The following ESR2 variants were observed in gnomAD, a reference collection of about 807,000 sequenced individuals.
The protein encoded by ESR2 is estrogen receptor beta.
ESR2 carries 36 observed loss-of-function variants against 49.6 expected under a neutral mutation model. The observed-to-expected ratio is 0.73, with a 90% CI of 0.56 to 0.96. The LOEUF (loss-of-function observed/expected upper bound fraction) is 0.96, where lower values mean the gene tolerates loss of function less well. Ranked by LOEUF, ESR2 falls within the 40% of genes least tolerant of loss-of-function variation. The pLI is 0.00. For synonymous variants in ESR2, 320 were observed against 266.1 expected, an observed-to-expected ratio of 1.20 and a Z score of -1.97; for missense variants, 714 against 693.0, an observed-to-expected ratio of 1.03 and a Z score of -0.34.
intron 1 of ESR2, among the ~76,000 whole-genome samples, chr14:64,289,521 TAAAGAAAAAGAA>T (rs551773660): frequency 7.5e-6 from 1 of 134,126 alleles, no homozygotes; most frequent in African/African-American, 2.8e-5. Flanking sequence ...TCAAAAAAAA[TAAAGAAAAAGAA>T]AAAGAAAAAA....
downstream of ESR2, chr14:64,227,980 T>A: frequency 6.3e-7 from 1 of 1,575,404 alleles, no homozygotes; most frequent in South Asian, 1.2e-5. Context: ...AGAAAATCTA[T>A]CCAAATAATC....
In ESR2 at chr14:64,282,697, G is replaced by A. The variant is rs2076699499; in HGVS notation, c.289C>T (p.His97Tyr). Residue 97 changes from histidine to tyrosine, a missense_variant, in exon 2 of 9, where the codon CAT (histidine) becomes TAT (tyrosine). Transcript: ENST00000341099. ...CTCTTTTGAGGTTCCGCATACAGAT[G>A]TGATAACTGGCGATGGACCACTAAA... is the stretch of plus-strand genomic sequence containing the variant. ...SPLVVHRQLS[H>Y]LYAEPQKSPW... The A allele has an allele frequency of 9.3e-6, 15 of 1,614,148 alleles. No individual in the cohort carries two copies. Among genetic ancestry groups the A allele is most frequent in the Non-Finnish European group, 1.2e-5 (14 of 1,179,962 alleles).
intron 1 of ESR2, among the ~76,000 whole-genome samples, chr14:64,285,065 C>T (rs111398570): frequency 7.9e-5 from 12 of 151,850 alleles, no homozygotes; most frequent in Admixed American, 6.6e-5. Flanking sequence ...TGGCCAGGCT[C>T]GTCTTGAAAT....
At chr14:64,309,231 TAA>T (rs1259732802) in intron 1 of ESR2, among the ~76,000 whole-genome samples, 1 of 152,094 alleles carries the variant, frequency 6.6e-6, no homozygotes, top group Non-Finnish European at 1.5e-5. Flanking sequence ...ATTTACTGCT[TAA>T]GAGAGTATGT....
chr14:64,227,758 G>A (rs574698914), downstream of ESR2: 279 of 1,539,722 alleles, frequency 1.8e-4, 1 homozygote, highest in South Asian at 3.2e-3. Flanking sequence ...TCTCCAGGGA[G>A]GCCACTGCAG....
rs769466068 is a variant in ESR2, at chr14:64,257,214, AT to A, written c.1091+11del. Reference sequence around the variant, plus strand: ...ACAAGTCAGAGAAGAAACACAATGTATTTTTTCTCACCTGTCCAGAACAAGA... The same window carrying A: ...ACAAGTCAGAGAAGAAACACAATGTATTTTTCTCACCTGTCCAGAACAAGA... On this transcript the variant is annotated intron_variant, in intron 6 of 8. Coordinates refer to ENST00000341099, the MANE Select transcript of ESR2 (RefSeq NM_001437.3). 4.3e-6 allele frequency: 7 copies of A among 1,613,080 alleles called. No individual in the cohort carries two copies. The highest frequency in any genetic ancestry group is 1.1e-5 in the South Asian group (1 of 91,030).
intron 1 of ESR2, among the ~76,000 whole-genome samples, chr14:64,289,733 C>A (rs985726473): frequency 2.0e-5 from 3 of 152,136 alleles, no homozygotes; most frequent in African/African-American, 7.2e-5. Context: ...ATCCATCACC[C>A]CTAGTCCAGA....
Position 64,260,797 on chromosome 14 carries a change from C to A in ESR2, c.653-49G>T, listed in dbSNP as rs1423631626. 3.5e-6 allele frequency: 5 copies of A among 1,412,386 alleles called. No individual in the cohort carries two copies. The African/African-American group carries it at 7.4e-5, about 21-fold the overall frequency. 87.5% of individuals were successfully genotyped at this position (1,412,386 alleles called of 1,614,324 possible). A position where few individuals can be genotyped will look rare whatever the true frequency, so the allele number is the denominator to read the frequency against. On this transcript the variant is annotated intron_variant, in intron 4 of 8. Coordinates refer to ENST00000341099, the MANE Select transcript of ESR2 (RefSeq NM_001437.3). ...CGAATTGCCAGGGTAAAACCGCAGT[C>A]AAGCAAAAGCAGCTTGACTTTTATT...
At chr14:64,284,173 C>T (rs2140826542) in intron 1 of ESR2, among the ~76,000 whole-genome samples, 1 of 152,086 alleles carries the variant, frequency 6.6e-6, no homozygotes, top group South Asian at 2.1e-4. Context: ...GAGTGATCCA[C>T]CTGCCTCGGT....
At position 64,265,111 on chromosome 14, in the gene ESR2, CT is replaced by C. The variant is rs1167373170; in HGVS notation, c.652+3683del. Among the ~76,000 whole-genome samples, 6 of 152,172 alleles carry C rather than the reference CT, an allele frequency of 3.9e-5. No individual in the cohort carries two copies. In the East Asian group the frequency reaches 9.6e-4, roughly 24 times the overall value. ...TGGGGGTTCTAGACTCAATAAAGCC[CT>C]TGACAAGGAGCTCATTTTTCTATCA... On this transcript the variant is annotated intron_variant, in intron 4 of 8. Coordinates refer to ENST00000341099, the MANE Select transcript of ESR2 (RefSeq NM_001437.3).
At chr14:64,246,740 A>AAAAAAC (rs2075865897) in intron 7 of ESR2, among the ~76,000 whole-genome samples, 1 of 75,612 alleles carries the variant, frequency 1.3e-5, no homozygotes, top group African/African-American at 4.9e-5. Flanking sequence ...CTGTCAAAAA[A>AAAAAAC]AAAAAAAAAA....
At chr14:64,277,422 G>A (rs1028517966) in intron 3 of ESR2, among the ~76,000 whole-genome samples, 3 of 151,898 alleles carry the variant, frequency 2.0e-5, no homozygotes, top group East Asian at 1.9e-4. Context: ...TCAGGAGATC[G>A]AGACCATCCT....
At chr14:64,298,942 G>A (rs558031105), upstream of ESR2, among the ~76,000 whole-genome samples, 123 of 149,660 alleles carry the variant, frequency 8.2e-4, no homozygotes, top group African/African-American at 3.0e-3. Flanking sequence ...TGAGCTAGAA[G>A]AGAAACTAGC....
chr14:64,308,376 T>C (rs12436533), intron 1 of ESR2, among the ~76,000 whole-genome samples: 2,385 of 152,240 alleles, frequency 0.016, 66 homozygotes, highest in East Asian at 0.088. Flanking sequence ...TTATTGTATC[T>C]CACAAGTTTT....
At position 64,309,607 on chromosome 14, in the gene ESR2, C is replaced by CAAAAAAAAAAAAAA. The variant is rs545143689; in HGVS notation, c.-90-26533_-90-26532insTTTTTTTTTTTTTT. ...GGGCAACAAGAGTGAAACTCCATCTCAAAAAAAAAAATAGAGAATCTTGCG... is the reference window on the plus strand; with the variant it reads ...GGGCAACAAGAGTGAAACTCCATCTCAAAAAAAAAAAAAAAAAAAAAAAAATAGAGAATCTTGCG... On this transcript the variant is annotated intron_variant, in intron 1 of 8. Coordinates refer to the ESR2 transcript ENST00000358599. 6.1e-4 allele frequency among the ~76,000 whole-genome samples: 77 copies of CAAAAAAAAAAAAAA among 125,854 alleles called. 4 individuals are homozygous for CAAAAAAAAAAAAAA. The highest frequency in any genetic ancestry group is 2.4e-3 in the African/African-American group (70 of 28,928). 82.6% of individuals were successfully genotyped at this position (125,854 alleles called of 152,430 possible). A position where few individuals can be genotyped will look rare whatever the true frequency, so the allele number is the denominator to read the frequency against.
chr14:64,259,436 A>G lies in ESR2; in HGVS notation c.952+1013T>C, dbSNP rs576741710. 9.8e-4 allele frequency among the ~76,000 whole-genome samples: 150 copies of G among 152,306 alleles called. 1 individual carries two copies. The highest frequency in any genetic ancestry group is 3.4e-3 in the African/African-American group (143 of 41,558). Reference sequence around the variant, plus strand: ...TGGCTCAGAACTTATAAGAGACTTCATTTCTTCAAGGACTGTAAAGAACAG... The same window carrying G: ...TGGCTCAGAACTTATAAGAGACTTCGTTTCTTCAAGGACTGTAAAGAACAG... On this transcript the variant is annotated intron_variant, in intron 5 of 8. Coordinates refer to ENST00000341099, the MANE Select transcript of ESR2 (RefSeq NM_001437.3).
intron 3 of ESR2, among the ~76,000 whole-genome samples, chr14:64,270,755 C>T (rs2076429364): frequency 6.6e-6 from 1 of 152,196 alleles, no homozygotes; most frequent in African/African-American, 2.4e-5. Flanking sequence ...GGTGATCCAC[C>T]CGCCTTGGTC....
At chr14:64,293,283 G>A (rs1243249692) in intron 1 of ESR2, among the ~76,000 whole-genome samples, 1 of 152,096 alleles carries the variant, frequency 6.6e-6, no homozygotes, top group Non-Finnish European at 1.5e-5. Context: ...TAGAGCAAAA[G>A]TAAAACTTTC....
At chr14:64,233,477 C>T in intron 8 of ESR2, 154 bp from the exon 9 acceptor site, 1 of 670,000 alleles carries the variant, frequency 1.5e-6, no homozygotes, top group East Asian at 2.7e-5. Context: ...GCATCCAGCT[C>T]CCCCTGATAA....
Sources: allele counts gnomAD v4.1 joint callset (sites outside exome capture counted in the v4.1 genomes callset), GRCh38; gene constraint gnomAD v4.1.1; transcripts MANE v1.5; gene names NCBI Gene and HGNC (gene_info 2026-07-23, HGNC 2026-07-21).